Variants in EYS observed in about 807,000 individuals in gnomAD.
EYS encodes EGF-like photoreceptor maintenance factor.
In EYS, 250 loss-of-function variants were observed where a neutral mutation model predicts 282.1. The observed-to-expected ratio is 0.89, with a 90% CI of 0.80 to 0.98. The LOEUF (loss-of-function observed/expected upper bound fraction) is 0.98, where lower values mean the gene tolerates loss of function less well. Ranked by LOEUF, EYS falls within the 50% of genes least tolerant of loss-of-function variation. The probability of loss-of-function intolerance (pLI) is 0.00; values close to 1 mark genes in which losing one functional copy is unlikely to be tolerated. For synonymous variants in EYS, 1,355 were observed against 1,282.9 expected (o/e 1.06, Z -1.20); for missense variants, 4,016 against 3,709.0 (o/e 1.08, Z -2.15).
rs1282506012 is a variant in EYS, at chr6:65,143,760, TTTTTGC to T, written c.2024-86039_2024-86034del. Among the ~76,000 whole-genome samples, 282 of 152,198 alleles carry T rather than the reference TTTTTGC, an allele frequency of 1.9e-3. 1 individual carries two copies. The highest frequency in any genetic ancestry group is 6.5e-3 in the African/African-American group (271 of 41,554). On this transcript the variant is annotated intron_variant, in intron 12 of 42. Transcript: ENST00000503581. ...TGGATTCATCTACCACAGTATTTCC[TTTTTGC>T]ATATGTCTCTGTTACTCCTCTAGAC... is the stretch of plus-strand genomic sequence containing the variant.
At chr6:64,795,132 G>A (rs933818410) in intron 22 of EYS, among the ~76,000 whole-genome samples, 1 of 151,918 alleles carries the variant, frequency 6.6e-6, no homozygotes, top group African/African-American at 2.4e-5. Flanking sequence ...CTACTCATAA[G>A]GCTGAGGCAG....
At chr6:64,379,421 T>A (rs1218564598) in intron 29 of EYS, among the ~76,000 whole-genome samples, 1 of 152,174 alleles carries the variant, frequency 6.6e-6, no homozygotes, top group East Asian at 1.9e-4. Flanking sequence ...CCTAACCACT[T>A]GCAAGGGAAT....
intron 30 of EYS, among the ~76,000 whole-genome samples, chr6:64,273,661 A>G (rs1323141480): frequency 6.6e-6 from 1 of 151,960 alleles, no homozygotes; most frequent in Admixed American, 6.6e-5. Flanking sequence ...TAATAGTCTC[A>G]CAGATACTAG....
intron 12 of EYS, among the ~76,000 whole-genome samples, chr6:65,095,682 A>G (rs186562055): frequency 7.0e-4 from 105 of 151,002 alleles, no homozygotes; most frequent in Non-Finnish European, 1.1e-3. Flanking sequence ...TCGTTAACAG[A>G]ATGAAGGATA....
chr6:64,799,211 T>G (rs2150006434), intron 22 of EYS, among the ~76,000 whole-genome samples: 1 of 152,050 alleles, frequency 6.6e-6, no homozygotes, highest in South Asian at 2.1e-4. Flanking sequence ...TTTTTTAATT[T>G]AAATGATGGT....
intron 29 of EYS, among the ~76,000 whole-genome samples, chr6:64,345,041 A>G (rs1771318861): frequency 6.6e-6 from 1 of 152,160 alleles, no homozygotes. Flanking sequence ...TGCTCAATGA[A>G]ATCAAAGAGG....
intron 30 of EYS, among the ~76,000 whole-genome samples, chr6:64,294,997 G>T (rs1768862687): frequency 6.6e-6 from 1 of 152,038 alleles, no homozygotes; most frequent in African/African-American, 2.4e-5. Context: ...AATTTTTGTG[G>T]AACACAGTTT....
intron 22 of EYS, among the ~76,000 whole-genome samples, chr6:64,662,388 A>C (rs1664879738): frequency 6.6e-6 from 1 of 152,190 alleles, no homozygotes; most frequent in South Asian, 2.1e-4. Flanking sequence ...TATAATAAAA[A>C]AAGATTATCA....
At chr6:64,062,558 G>A (rs1191899483) in intron 33 of EYS, among the ~76,000 whole-genome samples, 1 of 152,004 alleles carries the variant, frequency 6.6e-6, no homozygotes, top group Non-Finnish European at 1.5e-5. Context: ...CAGGCGTGGT[G>A]GTGGGCACCT....
chr6:64,682,618 G>C (rs1769939453), intron 22 of EYS, among the ~76,000 whole-genome samples: 1 of 152,084 alleles, frequency 6.6e-6, no homozygotes. Flanking sequence ...AACACACTGT[G>C]CGCCCTCACC....
intron 2 of EYS, among the ~76,000 whole-genome samples, chr6:65,609,358 C>T (rs1453444234): frequency 6.7e-6 from 1 of 149,444 alleles, no homozygotes; most frequent in African/African-American, 2.5e-5. Flanking sequence ...AAATCTAATA[C>T]TAACATTGTA....
At chr6:63,937,830 A>G (rs1053398187) in intron 35 of EYS, among the ~76,000 whole-genome samples, 1 of 152,094 alleles carries the variant, frequency 6.6e-6, no homozygotes, top group Non-Finnish European at 1.5e-5. Context: ...CTCCCAATCC[A>G]TTTCATTCTT....
At chr6:64,601,994 C>G (rs888884065) in intron 24 of EYS, among the ~76,000 whole-genome samples, 4 of 152,016 alleles carry the variant, frequency 2.6e-5, no homozygotes, top group African/African-American at 7.2e-5. Flanking sequence ...TTCTTTTTAT[C>G]ACACGGGTTA....
At position 64,152,791 on chromosome 6, in the gene EYS, C is replaced by T. The variant is rs1438178496; in HGVS notation, c.6425-70789G>A. Among the ~76,000 whole-genome samples, 3 of 152,154 alleles carry T rather than the reference C, an allele frequency of 2.0e-5. No homozygotes were observed. In the East Asian group the frequency reaches 5.8e-4, roughly 29 times the overall value. On this transcript the variant is annotated intron_variant, in intron 31 of 42. Coordinates refer to ENST00000503581, the MANE Select transcript of EYS (RefSeq NM_001142800.2). ...TATCTTTGACTAAAAAGTTTCAAAT[C>T]ATTTTTACAGCATTCATTAAGGTTT...
chr6:64,563,321 ATT>A, intron 26 of EYS, among the ~76,000 whole-genome samples: 1 of 151,718 alleles, frequency 6.6e-6, no homozygotes, highest in East Asian at 1.9e-4. Flanking sequence ...CGTTCTTTTT[ATT>A]TTTTCTTTTT....
intron 22 of EYS, among the ~76,000 whole-genome samples, chr6:64,687,620 G>C (rs1770205480): frequency 6.6e-6 from 1 of 152,174 alleles, no homozygotes; most frequent in African/African-American, 2.4e-5. Flanking sequence ...GATTCGGTTT[G>C]CCAGTATTTT....
intron 31 of EYS, among the ~76,000 whole-genome samples, chr6:64,096,064 A>G (rs1252750248): frequency 6.6e-6 from 1 of 152,242 alleles, no homozygotes; most frequent in Non-Finnish European, 1.5e-5. Context: ...TTCTTTAAGA[A>G]TGTTGAATAT....
intron 12 of EYS, among the ~76,000 whole-genome samples, chr6:65,247,680 A>G (rs913537872): frequency 6.6e-6 from 1 of 152,054 alleles, no homozygotes; most frequent in Non-Finnish European, 1.5e-5. Context: ...AAATTTGTAA[A>G]CCACAGAAGA....
intron 22 of EYS, chr6:64,631,298 T>A (rs1204669900): frequency 6.6e-6 from 1 of 152,188 alleles, no homozygotes; most frequent in Non-Finnish European, 1.5e-5. Flanking sequence ...TCTCAAATGA[T>A]TCTTCAAATT....
Sources: allele counts gnomAD v4.1 joint callset (sites outside exome capture counted in the v4.1 genomes callset), GRCh38; gene constraint gnomAD v4.1.1; transcripts MANE v1.5; gene names NCBI Gene and HGNC (gene_info 2026-07-23, HGNC 2026-07-21).